PCNT: variants seen among roughly 807,000 people sequenced by gnomAD.
The protein encoded by PCNT is kendrin.
A neutral mutation model predicts 380.4 loss-of-function variants in PCNT; 319 were observed. The observed-to-expected ratio is 0.84, with a 90% CI of 0.77 to 0.92. The LOEUF (loss-of-function observed/expected upper bound fraction) is 0.92, where lower values mean the gene tolerates loss of function less well. Among genes scored for constraint, PCNT ranks in the 40% least tolerant of loss-of-function variants. The pLI is 0.00. For synonymous variants in PCNT, 1,845 were observed against 1,735.2 expected, an observed-to-expected ratio of 1.06 and a Z score of -1.57; for missense variants, 4,400 against 4,255.3, an observed-to-expected ratio of 1.03 and a Z score of -0.95.
rs779854373 is a variant in PCNT, at chr21:46,425,102, A to T, written c.7180-729A>T. ...GTGTCCTGTGCTTGGGTGTGTGCTCATGTGGTGGTGACCGCGCTGAGCCTC... is the reference window on the plus strand; with the variant it reads ...GTGTCCTGTGCTTGGGTGTGTGCTCTTGTGGTGGTGACCGCGCTGAGCCTC... On this transcript the variant is annotated intron_variant, in intron 32 of 46. Coordinates refer to ENST00000359568, the MANE Select transcript of PCNT (RefSeq NM_006031.6). The surrounding 1 kb of genome is among the most constrained non-coding windows in gnomAD (Gnocchi z 4.2). 6.6e-6 allele frequency among the ~76,000 whole-genome samples: 1 copy of T among 151,832 alleles called. No individual in the cohort carries two copies. Among genetic ancestry groups the T allele is most frequent in the Non-Finnish European group, 1.5e-5 (1 of 67,944 alleles).
chr21:46,346,007 G>A (rs1321827117), intron 3 of PCNT, 121 bp from the exon 4 acceptor site: 1 of 913,748 alleles, frequency 1.1e-6, no homozygotes, highest in South Asian at 1.3e-5. Context: ...CGTTGCGAGT[G>A]GTGCTGCTGT....
chr21:46,390,840 G>A lies in PCNT; in HGVS notation c.4003+8G>A. On this transcript the variant is annotated splice_region_variant and intron_variant, in intron 20 of 46. Transcript: ENST00000359568. ...AGCTGCACAAGACTCAGGGTGAGCA[G>A]CATGAGGCCTCGGGGCACCTGGAGC... 6.2e-7 allele frequency: 1 copy of A among 1,606,324 alleles called. No individual in the cohort carries two copies. The highest frequency in any genetic ancestry group is 8.5e-7 in the Non-Finnish European group (1 of 1,176,924).
rs900057602 is a variant in PCNT, at chr21:46,346,857, G to C, written c.835G>C (p.Glu279Gln). The part of the protein sequence containing the change: ...LQKEKETALT[E>Q]LREMLNSRRA... The stretch of plus-strand genomic sequence containing the variant: ...GAAGGAGAAGGAGACGGCATTGACG[G>C]AGCTGCGGGAGATGCTCAACAGCCG... Residue 279 changes from glutamate to glutamine, a missense_variant, in exon 5 of 47, where the codon GAG (glutamate) becomes CAG (glutamine). By Grantham distance (29) the Glu-to-Gln change is conservative (BLOSUM62 2). Coordinates refer to ENST00000359568, the MANE Select transcript of PCNT (RefSeq NM_006031.6). 2.5e-6 allele frequency: 4 copies of C among 1,608,486 alleles called. No individual in the cohort carries two copies. The highest frequency in any genetic ancestry group is 1.3e-5 in the African/African-American group (1 of 75,008).
At chr21:46,440,727 G>GA (rs2053586414) in intron 42 of PCNT, 128 bp from the exon 43 acceptor site, 2 of 554,438 alleles carry the variant, frequency 3.6e-6, no homozygotes, top group Non-Finnish European at 3.0e-6. Context: ...GAAGGCCGAT[G>GA]GCTCTGTGAT....
In PCNT at chr21:46,411,777, C is replaced by T. The variant is rs752178247; in HGVS notation, c.5704C>T (p.Arg1902Cys). The change falls in exon 28 of 47, where the codon CGC (arginine) becomes TGC (cysteine). Residue 1902 changes from arginine (R) to cysteine (C), a missense_variant. Physicochemically the swap from Arg to Cys is radical, Grantham distance 180. Coordinates refer to ENST00000359568, the MANE Select transcript of PCNT (RefSeq NM_006031.6). ...CGTCCTGTTGGCCTTGGCCCGCATC[C>T]GCCGCGCCCTGGAGCAGCAGCCCCT... ...EAVLLALARI[R>C]RALEQQPLAA... 179 of 1,605,528 alleles carry T rather than the reference C, an allele frequency of 1.1e-4. No homozygotes were observed. Among genetic ancestry groups the T allele is most frequent in the Non-Finnish European group, 1.4e-4 (167 of 1,178,308 alleles).
intron 21 of PCNT, among the ~76,000 whole-genome samples, 161 bp from the exon 22 acceptor site, chr21:46,397,104 C>T (rs979498195): frequency 6.6e-6 from 1 of 152,174 alleles, no homozygotes; most frequent in Non-Finnish European, 1.5e-5. Flanking sequence ...CAGAAATTTG[C>T]TTTAGCCAAT....
intron 3 of PCNT, among the ~76,000 whole-genome samples, chr21:46,337,733 C>A (rs967674979): frequency 5.9e-5 from 9 of 152,200 alleles, no homozygotes; most frequent in Non-Finnish European, 1.0e-4. Flanking sequence ...CAGGCATGCG[C>A]CACCACGCCT....
intron 38 of PCNT, among the ~76,000 whole-genome samples, chr21:46,435,620 G>A (rs1224432481): frequency 6.6e-6 from 1 of 151,890 alleles, no homozygotes; most frequent in Non-Finnish European, 1.5e-5. Flanking sequence ...TCGGCTCACT[G>A]CAAGCTCTGC....
chr21:46,354,172 T>C (rs1215197336), intron 11 of PCNT, 104 bp downstream of exon 11: 1 of 1,048,092 alleles, frequency 9.5e-7, no homozygotes, highest in Non-Finnish European at 1.5e-6. Flanking sequence ...TCCCACCTTG[T>C]CCAGGGGAGG....
chr21:46,440,223 A>G (rs755485257), intron 42 of PCNT, 21 bp downstream of exon 42: 5 of 1,613,294 alleles, frequency 3.1e-6, no homozygotes, highest in South Asian at 2.2e-5. Flanking sequence ...TGCCACGAGT[A>G]TAGAACTTTG....
rs35978208 is a variant in PCNT, at chr21:46,416,292, A to C, written c.6374A>C (p.His2125Pro). The C allele has an allele frequency of 0.091, 146,192 of 1,613,722 alleles. 12,050 individuals carry two copies. The highest frequency in any genetic ancestry group is 0.44 in the African/African-American group (33,171 of 74,862). The change falls in exon 30 of 47, where the codon CAC becomes CCC. Residue 2125 changes from histidine (H) to proline (P), a missense_variant. His to Pro is a moderately conservative substitution (Grantham distance 77). Coordinates refer to ENST00000359568, the MANE Select transcript of PCNT (RefSeq NM_006031.6). The part of the protein sequence containing the change: ...CDGEEPDISP[H>P]IDTCDANTAT... ...GGAGAAGAGCCTGACATATCACCCC[A>C]CATAGACACATGTGATGCCAATACA...
At chr21:46,369,339 G>A (rs532500395) in intron 15 of PCNT, among the ~76,000 whole-genome samples, 31 of 152,386 alleles carry the variant, frequency 2.0e-4, no homozygotes, top group African/African-American at 7.2e-4. Context: ...CTCCCAGGTA[G>A]TTGGAATTAC....
At chr21:46,337,006 GTTT>G (rs2083763024) in intron 3 of PCNT, among the ~76,000 whole-genome samples, 6 of 151,350 alleles carry the variant, frequency 4.0e-5, no homozygotes, top group Non-Finnish European at 8.8e-5. Context: ...TTGTTTGTTT[GTTT>G]GTTTTTTTGA....
At chr21:46,365,653 T>C (rs2084894959) in intron 14 of PCNT, among the ~76,000 whole-genome samples, 1 of 149,626 alleles carries the variant, frequency 6.7e-6, no homozygotes, top group African/African-American at 2.5e-5. Flanking sequence ...TTCTATTCAC[T>C]GCCATGGGGG....
intron 3 of PCNT, 101 bp from the exon 4 acceptor site, chr21:46,346,027 C>T (rs536327353): frequency 1.3e-5 from 15 of 1,127,738 alleles, no homozygotes; most frequent in African/African-American, 4.6e-5. Flanking sequence ...TGAACAGCTG[C>T]GAACGGGGTT....
intron 37 of PCNT, chr21:46,430,876 C>A: frequency 2.0e-6 from 2 of 985,366 alleles, no homozygotes; most frequent in Non-Finnish European, 2.4e-6. Flanking sequence ...CGTGGTGGCA[C>A]GATACCCCTG....
intron 15 of PCNT, among the ~76,000 whole-genome samples, chr21:46,367,368 C>T (rs1002105694): frequency 2.1e-5 from 3 of 145,834 alleles, no homozygotes; most frequent in East Asian, 2.0e-4. Context: ...AGTGCAGTGG[C>T]GCAATCTTGG....
chr21:46,395,446 C>T (rs918219516), intron 21 of PCNT, among the ~76,000 whole-genome samples: 5 of 147,724 alleles, frequency 3.4e-5, no homozygotes, highest in Admixed American at 2.0e-4. Context: ...AAAATAGAGA[C>T]TTCAGGACTC....
intron 3 of PCNT, among the ~76,000 whole-genome samples, chr21:46,337,883 GT>G (rs796208760): frequency 6.7e-6 from 1 of 149,182 alleles, no homozygotes; most frequent in Non-Finnish European, 1.5e-5. Flanking sequence ...CGCGCAGACT[GT>G]TTTTTTTGAG....
Sources: allele counts gnomAD v4.1 joint callset (sites outside exome capture counted in the v4.1 genomes callset), GRCh38; gene constraint gnomAD v4.1.1; non-coding constraint Gnocchi (gnomAD v3.1); transcripts MANE v1.5; gene names NCBI Gene and HGNC (gene_info 2026-07-23, HGNC 2026-07-21).